LCORL: variants seen among roughly 807,000 people sequenced by gnomAD.
LCORL encodes the protein ligand dependent nuclear receptor corepressor like, also known as ligand-dependent nuclear receptor corepressor-like protein.
In LCORL, 41 loss-of-function variants were observed where a neutral mutation model predicts 141.8. The ratio of observed to expected loss-of-function variants is 0.29; its 90% CI spans 0.23 to 0.38. The LOEUF (loss-of-function observed/expected upper bound fraction) is 0.38. Among genes scored for constraint, LCORL ranks in the 10% least tolerant of loss-of-function variants. LCORL has a pLI of 1.00. For missense variants in LCORL, 1,759 were observed against 2,035.0 expected, an observed-to-expected ratio of 0.86 and a Z score of 2.61; for synonymous variants, 618 against 694.1, an observed-to-expected ratio of 0.89 and a Z score of 1.72.
intron 4 of LCORL, among the ~76,000 whole-genome samples, chr4:17,917,949 A>G (rs1733718968): frequency 6.6e-6 from 1 of 151,592 alleles, no homozygotes; most frequent in Non-Finnish European, 1.5e-5. Flanking sequence ...CAAAAACAAA[A>G]CAAAACAAAA....
At chr4:17,918,817 C>T (rs2109363495) in intron 4 of LCORL, among the ~76,000 whole-genome samples, 1 of 152,044 alleles carries the variant, frequency 6.6e-6, no homozygotes, top group South Asian at 2.1e-4. Context: ...GCAATGCCCC[C>T]AATTTGAAGA....
At chr4:17,860,930 G>T (rs1462775238) in intron 7 of LCORL, among the ~76,000 whole-genome samples, 1 of 152,176 alleles carries the variant, frequency 6.6e-6, no homozygotes, top group Admixed American at 6.5e-5. Flanking sequence ...TATAATAGGT[G>T]GGTTATCATG....
chr4:17,869,832 A>G (rs1560270763), intron 7 of LCORL, among the ~76,000 whole-genome samples: 1 of 152,142 alleles, frequency 6.6e-6, no homozygotes, highest in East Asian at 1.9e-4. Flanking sequence ...TCTCACATCT[A>G]AAGAGCATTC....
chr4:17,865,561 T>A (rs1424227990), intron 7 of LCORL, among the ~76,000 whole-genome samples: 1 of 152,196 alleles, frequency 6.6e-6, no homozygotes, highest in Non-Finnish European at 1.5e-5. Flanking sequence ...ATTTTGAATT[T>A]AATTAAAATG....
At chr4:17,979,220 C>A (rs555065314) in intron 1 of LCORL, among the ~76,000 whole-genome samples, 13 of 152,300 alleles carry the variant, frequency 8.5e-5, no homozygotes, top group African/African-American at 2.9e-4. Context: ...GTGCTATAAT[C>A]TGCAAATTAC....
intron 7 of LCORL, among the ~76,000 whole-genome samples, chr4:17,850,667 G>T (rs377419089): frequency 0.12 from 17,425 of 147,622 alleles, 1,093 homozygotes; most frequent in South Asian, 0.23. Flanking sequence ...GGAACACTTT[G>T]ACACTGTTGG....
At chr4:18,015,836 A>C (rs1341141933) in intron 1 of LCORL, among the ~76,000 whole-genome samples, 2 of 150,896 alleles carry the variant, frequency 1.3e-5, no homozygotes, top group African/African-American at 4.9e-5. Context: ...ACCGACAAAA[A>C]GCAACTTCAA....
chr4:18,019,936 T>G, intron 1 of LCORL, among the ~76,000 whole-genome samples: 1 of 152,334 alleles, frequency 6.6e-6, no homozygotes, highest in Non-Finnish European at 1.5e-5. Context: ...TTTAAACAAT[T>G]TATATAAAGA....
intron 5 of LCORL, 52 bp from the exon 6 acceptor site, chr4:17,886,213 C>G: frequency 1.2e-6 from 1 of 867,468 alleles, no homozygotes; most frequent in South Asian, 1.4e-5. Flanking sequence ...ATAGGCAATC[C>G]TTACATTTTA....
chr4:18,015,221 C>G (rs1724453900), intron 1 of LCORL, among the ~76,000 whole-genome samples: 1 of 152,188 alleles, frequency 6.6e-6, no homozygotes, highest in African/African-American at 2.4e-5. Flanking sequence ...AGCAATTTAT[C>G]ATGCGCACAG....
At chr4:17,886,760 T>C (rs1402963752) in intron 5 of LCORL, among the ~76,000 whole-genome samples, 1 of 152,086 alleles carries the variant, frequency 6.6e-6, no homozygotes, top group Admixed American at 6.6e-5. Flanking sequence ...AAAGACATAA[T>C]TTACGATAAT....
intron 6 of LCORL, chr4:17,883,345 G>A: frequency 9.9e-7 from 1 of 1,009,038 alleles, no homozygotes; most frequent in Non-Finnish European, 1.2e-6. Context: ...TGGTTCAACT[G>A]AATGGCTGGA....
chr4:17,903,311 G>A (rs1031066015), intron 5 of LCORL, among the ~76,000 whole-genome samples: 1 of 151,962 alleles, frequency 6.6e-6, no homozygotes, highest in African/African-American at 2.4e-5. Context: ...CGGATCTTAT[G>A]GCAGAAGACT....
chr4:17,913,404 T>A (rs976632725), intron 4 of LCORL, among the ~76,000 whole-genome samples: 63 of 152,114 alleles, frequency 4.1e-4, no homozygotes, highest in African/African-American at 1.5e-3. Context: ...ACCAATATAA[T>A]CCTGAAGATA....
intron 1 of LCORL, among the ~76,000 whole-genome samples, chr4:17,998,906 A>G (rs545725718): frequency 2.1e-4 from 30 of 144,018 alleles, no homozygotes; most frequent in African/African-American, 7.7e-4. Context: ...TCAAGGCTGC[A>G]GTGAGCCATG....
chr4:17,860,180 G>T (rs770708336), intron 7 of LCORL, among the ~76,000 whole-genome samples: 1 of 152,188 alleles, frequency 6.6e-6, no homozygotes, highest in Non-Finnish European at 1.5e-5. Context: ...AACAAAGCTG[G>T]AGGCATCACA....
chr4:17,967,883 A>C (rs1175054955), intron 2 of LCORL, among the ~76,000 whole-genome samples: 1 of 147,674 alleles, frequency 6.8e-6, no homozygotes, highest in African/African-American at 2.5e-5. Context: ...TTTGAGATGG[A>C]GTTCCACTCT....
intron 4 of LCORL, among the ~76,000 whole-genome samples, chr4:17,961,466 T>A (rs1713773778): frequency 6.6e-6 from 1 of 152,050 alleles, no homozygotes. Context: ...AAATAGCAAG[T>A]CAGCAAATAT....
At chr4:17,999,222 G>A (rs1721513614) in intron 1 of LCORL, among the ~76,000 whole-genome samples, 1 of 95,490 alleles carries the variant, frequency 1.0e-5, no homozygotes, top group Non-Finnish European at 2.2e-5. Context: ...GGGAGGCCGA[G>A]GCGGGAGGAT....
Sources: allele counts gnomAD v4.1 joint callset (sites outside exome capture counted in the v4.1 genomes callset), GRCh38; gene constraint gnomAD v4.1.1; transcripts MANE v1.5; gene names NCBI Gene and HGNC (gene_info 2026-07-23, HGNC 2026-07-21).